ANKRD30A: variants seen among roughly 807,000 people sequenced by gnomAD.
ANKRD30A encodes ankyrin repeat domain 30A, also known as ankyrin repeat domain-containing protein 30A.
ANKRD30A carries 170 observed loss-of-function variants against 166.3 expected under a neutral mutation model. The observed-to-expected ratio is 1.02, with a 90% CI of 0.90 to 1.16. The LOEUF is 1.16. Ranked by LOEUF, ANKRD30A falls within the 50% of genes most tolerant of loss-of-function variation. ANKRD30A has a pLI of 0.00. For synonymous variants in ANKRD30A, 564 were observed against 508.9 expected, an observed-to-expected ratio of 1.11 and a Z score of -1.46; for missense variants, 1,630 against 1,518.0, an observed-to-expected ratio of 1.07 and a Z score of -1.23.
intron 21 of ANKRD30A, among the ~76,000 whole-genome samples, chr10:37,172,982 T>G (rs2132625301): frequency 6.6e-6 from 1 of 152,330 alleles, no homozygotes; most frequent in East Asian, 1.9e-4. Context: ...AAGATTGCTT[T>G]TTAAGATAAA....
the ANKRD30A span, among the ~76,000 whole-genome samples, chr10:37,240,581 A>G: frequency 6.6e-6 from 1 of 152,122 alleles, no homozygotes; most frequent in African/African-American, 2.4e-5. Context: ...ACTTACTAGT[A>G]CTCCACCTCT....
chr10:37,184,109 T>C (rs1408284282), intron 24 of ANKRD30A, among the ~76,000 whole-genome samples: 58 of 150,390 alleles, frequency 3.9e-4, no homozygotes, highest in African/African-American at 1.3e-3. Flanking sequence ...CATGGGAAAA[T>C]AGTGGAAGAA....
rs777124439 is a variant in ANKRD30A at position 37,136,712 on chromosome 10, A to G, written c.820+41A>G. On this transcript the variant is annotated intron_variant, in intron 6 of 35. Coordinates refer to ENST00000361713, the MANE Select transcript of ANKRD30A (RefSeq NM_052997.3). ...GTAAACTACCCTTGGTGGTGCTATC[A>G]TAAGATTATGGAAGTGTTGATCACA... 6 of 1,182,496 alleles carry G rather than the reference A, an allele frequency of 5.1e-6. No individual in the cohort carries two copies. The East Asian group carries it at 1.5e-4, about 30-fold the overall frequency. 73.3% of individuals were successfully genotyped at this position (1,182,496 alleles called of 1,614,324 possible). A position where few individuals can be genotyped will look rare whatever the true frequency, so the allele number is the denominator to read the frequency against.
the ANKRD30A span, chr10:37,248,009 C>T: frequency 5.7e-6 from 2 of 349,260 alleles, no homozygotes; most frequent in Admixed American, 3.7e-5. Flanking sequence ...TCATGTACCC[C>T]TCAACTTAAA....
At chr10:37,218,080 C>G (rs941969302) in intron 33 of ANKRD30A, among the ~76,000 whole-genome samples, 3 of 150,768 alleles carry the variant, frequency 2.0e-5, no homozygotes, top group African/African-American at 7.3e-5. Flanking sequence ...GTACAAAGAG[C>G]TTTTGAAAAC....
At chr10:37,217,620 T>G in intron 32 of ANKRD30A, 75 bp from the exon 33 acceptor site, 2 of 1,234,658 alleles carry the variant, frequency 1.6e-6, no homozygotes, top group Non-Finnish European at 2.2e-6. Context: ...TAACCCAATA[T>G]AGGAAGAAAT....
chr10:37,191,871 T>C (rs1840609173), intron 25 of ANKRD30A, among the ~76,000 whole-genome samples: 1 of 151,888 alleles, frequency 6.6e-6, no homozygotes, highest in Non-Finnish European at 1.5e-5. Flanking sequence ...GGTGGGTGCC[T>C]GTAGTCCCAG....
chr10:37,228,714 G>T (rs190824581), intron 34 of ANKRD30A, among the ~76,000 whole-genome samples: 1 of 152,066 alleles, frequency 6.6e-6, no homozygotes, highest in East Asian at 1.9e-4. Context: ...TTTCTCCTCA[G>T]TAGCTCTTAT....
chr10:37,251,448 G>A, the ANKRD30A span, among the ~76,000 whole-genome samples: 1 of 152,098 alleles, frequency 6.6e-6, no homozygotes, highest in Non-Finnish European at 1.5e-5. Flanking sequence ...CTAACACAGG[G>A]TCACCTTCAG....
At chr10:37,232,654 T>TATATATATATATATATATATATA (rs71007625), downstream of ANKRD30A, 16 of 54,198 alleles carry the variant, frequency 3.0e-4, no homozygotes, top group Non-Finnish European at 3.5e-4. Context: ...AGCATTGGTT[T>TATATATATATATATATATATATA]TATATATATA....
At chr10:37,139,838 G>T (rs1473082962) in intron 6 of ANKRD30A, among the ~76,000 whole-genome samples, 1 of 152,120 alleles carries the variant, frequency 6.6e-6, no homozygotes, top group Non-Finnish European at 1.5e-5. Context: ...TAGTAAATGA[G>T]AATTAATTAC....
intron 21 of ANKRD30A, among the ~76,000 whole-genome samples, chr10:37,171,531 GA>G (rs1277955635): frequency 2.0e-5 from 3 of 151,596 alleles, no homozygotes; most frequent in Admixed American, 1.3e-4. Flanking sequence ...GGAGAAATAG[GA>G]AAAACATTAT....
intron 5 of ANKRD30A, among the ~76,000 whole-genome samples, chr10:37,134,654 G>A (rs1199964304): frequency 6.6e-6 from 1 of 152,184 alleles, no homozygotes; most frequent in African/African-American, 2.4e-5. Context: ...CCAGCACCCT[G>A]CTCTGGCAGC....
chr10:37,162,150 A>C (rs1270324660), intron 15 of ANKRD30A, among the ~76,000 whole-genome samples: 3 of 152,286 alleles, frequency 2.0e-5, no homozygotes, highest in Admixed American at 2.0e-4. Flanking sequence ...ATGGAAAAAA[A>C]CAAATATTCA....
chr10:37,147,041 C>T (rs1019637126), intron 8 of ANKRD30A, among the ~76,000 whole-genome samples: 1 of 152,208 alleles, frequency 6.6e-6, no homozygotes, highest in Non-Finnish European at 1.5e-5. Context: ...TTTGATGTGC[C>T]TTCTTGATTT....
intron 31 of ANKRD30A, among the ~76,000 whole-genome samples, chr10:37,204,667 C>G (rs1177330848): frequency 6.6e-6 from 1 of 152,006 alleles, no homozygotes. Flanking sequence ...AAGAAACTAC[C>G]ATGAGAATGA....
At chr10:37,165,952 C>T (rs866577601) in intron 18 of ANKRD30A, among the ~76,000 whole-genome samples, 13 of 152,120 alleles carry the variant, frequency 8.5e-5, no homozygotes, top group East Asian at 7.7e-4. Flanking sequence ...GACAAAAAGA[C>T]GTTAATACTT....
At chr10:37,195,902 A>G (rs539297646) in intron 27 of ANKRD30A, among the ~76,000 whole-genome samples, 9 of 152,164 alleles carry the variant, frequency 5.9e-5, no homozygotes, top group East Asian at 5.8e-4. Flanking sequence ...AACAGGGTCA[A>G]GAGAATGCAT....
chr10:37,246,803 TC>T, the ANKRD30A span, among the ~76,000 whole-genome samples: 1 of 152,162 alleles, frequency 6.6e-6, no homozygotes, highest in East Asian at 1.9e-4. Flanking sequence ...TGTATGGTGT[TC>T]CCTTGTACAT....
Sources: allele counts gnomAD v4.1 joint callset (sites outside exome capture counted in the v4.1 genomes callset), GRCh38; gene constraint gnomAD v4.1.1; transcripts MANE v1.5; gene names NCBI Gene and HGNC (gene_info 2026-07-23, HGNC 2026-07-21).